The following NUP62 variants were observed in gnomAD, a reference collection of about 807,000 sequenced individuals.
The protein encoded by NUP62 is nuclear pore glycoprotein p62.
For missense variants in NUP62, 647 were observed against 689.4 expected (o/e 0.94, Z 0.69); for synonymous variants, 305 against 303.4 (o/e 1.01, Z -0.05).
intron 2 of NUP62, chr19:49,912,926 G>T (rs1306811842): frequency 6.6e-6 from 1 of 152,246 alleles, no homozygotes; most frequent in Non-Finnish European, 1.5e-5. Context: ...CTTTGGGGCA[G>T]ATCCACTTGA....
At chr19:49,919,055 A>C (rs565501602) in intron 2 of NUP62, among the ~76,000 whole-genome samples, 2 of 152,274 alleles carry the variant, frequency 1.3e-5, no homozygotes, top group East Asian at 3.9e-4. Context: ...CGGGAGGCTG[A>C]GGCAGGAGAA....
Position 49,907,600 on chromosome 19 carries a change from G to A in NUP62, c.*639C>T, listed in dbSNP as rs2122583983. ...TGCCTAGGCTGGAGTGCAGTGGTGT[G>A]ATCTTGGTTCACTGCAACACCTCCT... On this transcript the variant is annotated 3_prime_UTR_variant, in exon 3 of 3. Coordinates refer to ENST00000352066, the MANE Select transcript of NUP62 (RefSeq NM_016553.5). 2 of 401,668 alleles carry A rather than the reference G, an allele frequency of 5.0e-6. No individual in the cohort carries two copies. The highest frequency in any genetic ancestry group is 9.4e-6 in the Non-Finnish European group (2 of 212,096). The allele number at this position is 401,668 out of a possible 1,614,324, so 24.9% of individuals were successfully genotyped here.
chr19:49,924,108 G>A (rs1020926700), intron 2 of NUP62, among the ~76,000 whole-genome samples: 2 of 152,158 alleles, frequency 1.3e-5, no homozygotes, highest in Non-Finnish European at 2.9e-5. Context: ...GGCCTGAGGT[G>A]AGGGTCAGGG....
chr19:49,912,635 G>A (rs922658951), intron 2 of NUP62, among the ~76,000 whole-genome samples: 3 of 152,146 alleles, frequency 2.0e-5, no homozygotes, highest in Non-Finnish European at 4.4e-5. Context: ...AGGCTGAGGT[G>A]GGGGGATCGC....
At position 49,908,945 on chromosome 19, in the gene NUP62, G is replaced by A. The variant is rs1258347763; in HGVS notation, c.863C>T (p.Thr288Ile). 10 of 1,609,486 alleles carry A rather than the reference G, an allele frequency of 6.2e-6. No individual in the cohort carries two copies. Among genetic ancestry groups the A allele is most frequent in the East Asian group, 2.2e-5 (1 of 44,824 alleles). Reference sequence around the variant, plus strand: ...TGGTTTTAAATTCAAGGCAAAGCCGGTGGTGCTGCTGCTGCTGGTGGTGGT... The same window carrying A: ...TGGTTTTAAATTCAAGGCAAAGCCGATGGTGCTGCTGCTGCTGGTGGTGGT... ...TATTTSSSST[T>I]GFALNLKPLA... is the part of the protein sequence containing the mutation. The change falls in exon 3 of 3, where the codon ACC becomes ATC. Residue 288 changes from threonine (T) to isoleucine (I), a missense_variant. Coordinates refer to ENST00000352066, the MANE Select transcript of NUP62 (RefSeq NM_016553.5).
intron 2 of NUP62, among the ~76,000 whole-genome samples, chr19:49,913,528 C>T (rs530368636): frequency 3.9e-5 from 6 of 152,322 alleles, no homozygotes; most frequent in African/African-American, 1.4e-4. Flanking sequence ...TCCCCACAAC[C>T]CGGGCCGCCA....
chr19:49,915,045 C>T (rs1181613493), intron 2 of NUP62, among the ~76,000 whole-genome samples: 3 of 151,954 alleles, frequency 2.0e-5, no homozygotes, highest in Non-Finnish European at 4.4e-5. Context: ...CGGCCCCCAA[C>T]CCCTTTCCTT....
chr19:49,924,597 A>G (rs1479253038), intron 2 of NUP62, among the ~76,000 whole-genome samples: 3 of 152,118 alleles, frequency 2.0e-5, no homozygotes, highest in African/African-American at 4.8e-5. Context: ...GTTGAAGGGG[A>G]GCTCGAGGCT....
At position 49,913,413 on chromosome 19, in the gene NUP62, C is replaced by T. The variant is rs528085247; in HGVS notation, c.-77-3529G>A. 2.5e-4 allele frequency among the ~76,000 whole-genome samples: 38 copies of T among 152,312 alleles called. No homozygotes were observed. The South Asian group carries it at 6.4e-3, about 26-fold the overall frequency. On this transcript the variant is annotated intron_variant, in intron 2 of 2. Coordinates refer to ENST00000352066, the MANE Select transcript of NUP62 (RefSeq NM_016553.5). ...GGCCACTCTAGAGAGTCCATGTTGACGCTGTGACCTAGAGTGGGGGCTTTG... is the reference window on the plus strand; with the variant it reads ...GGCCACTCTAGAGAGTCCATGTTGATGCTGTGACCTAGAGTGGGGGCTTTG...
chr19:49,928,857 G>A (rs910201195), intron 1 of NUP62: 1 of 152,282 alleles, frequency 6.6e-6, no homozygotes, highest in South Asian at 2.1e-4. Context: ...TGCGGGAAGA[G>A]AATGAGGCTG....
At chr19:49,923,573 C>T (rs530988175) in intron 2 of NUP62, among the ~76,000 whole-genome samples, 1 of 152,324 alleles carries the variant, frequency 6.6e-6, no homozygotes, top group Admixed American at 6.5e-5. Context: ...CTGGCAGCCG[C>T]CGGCTTCACT....
Position 49,907,499 on chromosome 19 carries a change from TCA to T in NUP62, c.*738_*739del, listed in dbSNP as rs1473907975. ...ATGGTTAGCTTTCACAAGCACAAGC[TCA>T]CACTCGAAAACTAGGCTGCTGTCTC... On this transcript the variant is annotated 3_prime_UTR_variant, in exon 3 of 3. Coordinates refer to ENST00000352066, the MANE Select transcript of NUP62 (RefSeq NM_016553.5). The T allele has an allele frequency of 2.3e-6, 1 of 441,158 alleles. No homozygotes were observed. The highest frequency in any genetic ancestry group is 2.1e-5 in the African/African-American group (1 of 48,562). The allele number at this position is 441,158 out of a possible 1,614,324, so 27.3% of individuals were successfully genotyped here.
At position 49,908,218 on chromosome 19, in the gene NUP62, G is replaced by C. The variant is rs764355720; in HGVS notation, c.*21C>G. ...CCTCATGAACTCCCTAGGGACCTGC[G>C]GGCCCCAGGGCTGCTGTCGCTCAGT... On this transcript the variant is annotated 3_prime_UTR_variant, in exon 3 of 3. Coordinates refer to ENST00000352066, the MANE Select transcript of NUP62 (RefSeq NM_016553.5). 1.9e-6 allele frequency: 3 copies of C among 1,610,934 alleles called. No individual in the cohort carries two copies. The highest frequency in any genetic ancestry group is 2.5e-6 in the Non-Finnish European group (3 of 1,179,792).
chr19:49,910,696 T>C (rs1379531580), intron 2 of NUP62, among the ~76,000 whole-genome samples: 4 of 115,332 alleles, frequency 3.5e-5, no homozygotes, highest in African/African-American at 1.3e-4. Flanking sequence ...CGGGAGACCA[T>C]GAGCCCCACC....
At position 49,914,726 on chromosome 19, in the gene NUP62, GTTTTTTTTTTTTTTT is replaced by G. The variant is rs530372497; in HGVS notation, c.-77-4857_-77-4843del. ...GATTCTTGTGCCACTCCAAGTCCCA[GTTTTTTTTTTTTTTT>G]TTTTTTTTTTTTTTTTGAGATGGAG... is the stretch of plus-strand genomic sequence containing the variant. On this transcript the variant is annotated intron_variant, in intron 2 of 2. Transcript: ENST00000352066. Among the ~76,000 whole-genome samples, 29 of 56,404 alleles carry G rather than the reference GTTTTTTTTTTTTTTT, an allele frequency of 5.1e-4. 1 individual carries two copies. The East Asian group carries it at 0.011, about 21-fold the overall frequency. The allele number at this position is 56,404 out of a possible 152,430, so 37.0% of individuals were successfully genotyped here.
chr19:49,927,587 A>C (rs555881342), intron 2 of NUP62, 107 bp downstream of exon 2: 1 of 152,334 alleles, frequency 6.6e-6, no homozygotes, highest in South Asian at 2.1e-4. Flanking sequence ...GCAAGTGCTC[A>C]AAAACTGGCA....
chr19:49,912,617 A>C (rs2075500544), intron 2 of NUP62, among the ~76,000 whole-genome samples: 1 of 152,070 alleles, frequency 6.6e-6, no homozygotes, highest in Non-Finnish European at 1.5e-5. Flanking sequence ...TAATCCCAGC[A>C]CTTTGGGAGG....
chr19:49,924,154 G>A (rs1032839703), intron 2 of NUP62, among the ~76,000 whole-genome samples: 14 of 152,144 alleles, frequency 9.2e-5, no homozygotes, highest in Non-Finnish European at 1.5e-4. Flanking sequence ...CATGGGCCTC[G>A]GGGCCCTGGA....
rs1253723725 is a variant in NUP62, at chr19:49,908,510, G to C, written c.1298C>G (p.Thr433Ser). Residue 433 changes from threonine to serine, a missense_variant, in exon 3 of 3, where the codon ACC (threonine) becomes AGC (serine). Transcript: ENST00000352066. ...ATCGATGTTCTCAGCCAGCTTGTAG[G>C]TTTTCTCACGCTCCTCATCCGCGTG... is the stretch of plus-strand genomic sequence containing the variant. ...LQHADEEREK[T>S]YKLAENIDAQ... The C allele has an allele frequency of 6.2e-7, 1 of 1,614,040 alleles. No homozygotes were observed. Among genetic ancestry groups the C allele is most frequent in the African/African-American group, 1.3e-5 (1 of 74,938 alleles).
Sources: gnomAD v4.1 joint callset for allele counts (sites outside exome capture counted in the v4.1 genomes callset) on GRCh38, gnomAD v4.1.1 for gene constraint, MANE v1.5 for transcripts, NCBI Gene and HGNC (gene_info 2026-07-23, HGNC 2026-07-21) for gene names.